RASGEF1C: variants seen among roughly 807,000 people sequenced by gnomAD.
RASGEF1C encodes the protein ras-GEF domain-containing family member 1C.
A neutral mutation model predicts 58.1 loss-of-function variants in RASGEF1C; 27 were observed. That is an observed-to-expected ratio of 0.46 (90% CI 0.34 to 0.64). The LOEUF (loss-of-function observed/expected upper bound fraction) is 0.64. Ranked by LOEUF, RASGEF1C falls within the 30% of genes least tolerant of loss-of-function variation. The pLI is 0.01. For missense variants in RASGEF1C, 502 were observed against 605.1 expected (o/e 0.83, Z 1.79); for synonymous variants, 243 against 246.3 (o/e 0.99, Z 0.13).
At chr5:180,182,016 A>C (rs960206698) in intron 1 of RASGEF1C, among the ~76,000 whole-genome samples, 6 of 151,808 alleles carry the variant, frequency 4.0e-5, no homozygotes, top group African/African-American at 9.7e-5. Flanking sequence ...ATCCTGGCTA[A>C]CACGGTGAAA....
At chr5:180,112,739 G>A (rs549616057) in intron 11 of RASGEF1C, among the ~76,000 whole-genome samples, 4 of 152,270 alleles carry the variant, frequency 2.6e-5, no homozygotes, top group Admixed American at 6.5e-5. Context: ...GCCGAGACAC[G>A]TGTGCTGGGT....
At chr5:180,153,403 G>C (rs1170429887) in intron 1 of RASGEF1C, among the ~76,000 whole-genome samples, 3 of 152,190 alleles carry the variant, frequency 2.0e-5, no homozygotes, top group African/African-American at 7.2e-5. Context: ...TTAAGAGCTG[G>C]AATTGACCAG....
intron 1 of RASGEF1C, among the ~76,000 whole-genome samples, chr5:180,171,831 T>A (rs1767113000): frequency 6.6e-6 from 1 of 152,160 alleles, no homozygotes; most frequent in South Asian, 2.1e-4. Context: ...GGTAAGGCTG[T>A]GAGGGCCAGG....
intron 1 of RASGEF1C, among the ~76,000 whole-genome samples, chr5:180,144,738 A>C (rs1289210803): frequency 7.2e-5 from 11 of 152,196 alleles, no homozygotes; most frequent in Non-Finnish European, 1.5e-4. Context: ...AAGCATCACC[A>C]CCGTCCGTCC....
chr5:180,151,990 A>T (rs985963390), intron 1 of RASGEF1C, among the ~76,000 whole-genome samples: 2 of 150,010 alleles, frequency 1.3e-5, no homozygotes, highest in Non-Finnish European at 3.0e-5. Flanking sequence ...ACTGGCTATC[A>T]GAGAAATGCA....
intron 1 of RASGEF1C, among the ~76,000 whole-genome samples, chr5:180,178,334 C>T (rs1767265131): frequency 8.0e-6 from 1 of 124,576 alleles, no homozygotes; most frequent in African/African-American, 3.1e-5. Context: ...GGCTGGAGTA[C>T]AGTGGCGTGA....
chr5:180,193,159 C>T (rs1205003457), intron 1 of RASGEF1C, among the ~76,000 whole-genome samples: 1 of 143,490 alleles, frequency 7.0e-6, no homozygotes, highest in Non-Finnish European at 1.5e-5. Flanking sequence ...GGGTTCACAC[C>T]ATTCTCCTGC....
chr5:180,112,141 GGGCTAAGGCAGGGGGTTCCCACGCCT>G (rs753378404), intron 11 of RASGEF1C, among the ~76,000 whole-genome samples: 60 of 152,268 alleles, frequency 3.9e-4, no homozygotes, highest in Non-Finnish European at 7.5e-4. Context: ...AATTCAGGAA[GGGCTAAGGCAGGGGGTTCCCACGCCT>G]GGCTCTGGGC....
At chr5:180,173,806 G>C (rs761947401) in intron 1 of RASGEF1C, among the ~76,000 whole-genome samples, 24 of 151,998 alleles carry the variant, frequency 1.6e-4, no homozygotes, top group Non-Finnish European at 3.1e-4. Context: ...CCAGCTGCTA[G>C]GGAGGCTGAG....
In RASGEF1C at chr5:180,102,229, T is replaced by C. The variant is rs2069587722; in HGVS notation, c.1304-86A>G. On this transcript the variant is annotated intron_variant, in intron 12 of 13. Transcript: ENST00000361132. ...CCTGCTATATCTGCGTGGGTCTCTT[T>C]CTGGGTTCTCTATTCTGTCCCATTG... is the stretch of plus-strand genomic sequence containing the variant. 4 of 784,148 alleles carry C rather than the reference T, an allele frequency of 5.1e-6. No homozygotes were observed. In the African/African-American group the frequency reaches 6.8e-5, roughly 13 times the overall value. The allele number at this position is 784,148 out of a possible 1,614,324, so 48.6% of individuals were successfully genotyped here. A position where few individuals can be genotyped will look rare whatever the true frequency, so the allele number is the denominator to read the frequency against.
chr5:180,202,706 CTTT>C (rs1254362822), intron 1 of RASGEF1C, among the ~76,000 whole-genome samples: 7 of 140,700 alleles, frequency 5.0e-5, no homozygotes, highest in East Asian at 2.0e-4. Flanking sequence ...ACAAGTCTTT[CTTT>C]TTTTTTTTTT....
At chr5:180,179,583 C>G (rs1767288651) in intron 1 of RASGEF1C, among the ~76,000 whole-genome samples, 1 of 152,152 alleles carries the variant, frequency 6.6e-6, no homozygotes, top group South Asian at 2.1e-4. Context: ...AAGCAGTGAT[C>G]AATACAGCAG....
intron 1 of RASGEF1C, among the ~76,000 whole-genome samples, chr5:180,139,347 C>T (rs1001764083): frequency 2.6e-5 from 4 of 152,228 alleles, no homozygotes; most frequent in African/African-American, 7.2e-5. Flanking sequence ...CTCCCCTGCT[C>T]ATGCCGTCCT....
intron 1 of RASGEF1C, among the ~76,000 whole-genome samples, chr5:180,182,503 TC>T (rs1249794588): frequency 3.3e-5 from 5 of 152,204 alleles, no homozygotes; most frequent in Non-Finnish European, 7.3e-5. Context: ...CAGCTTTTAT[TC>T]CCTTATTTGT....
rs77169321 is a variant in RASGEF1C, at chr5:180,106,283, C to T, written c.1304-4140G>A. Among the ~76,000 whole-genome samples the T allele has an allele frequency of 9.0e-3, 1,363 of 152,238 alleles. 17 individuals are homozygous for T. The highest frequency in any genetic ancestry group is 0.031 in the African/African-American group (1,300 of 41,548). On this transcript the variant is annotated intron_variant, in intron 12 of 13. Transcript: ENST00000361132. ...ATTAACTTTATTGTTTTTCTGCTTA[C>T]GGGTTCATTGATTTCTGCTCTTATT...
intron 1 of RASGEF1C, among the ~76,000 whole-genome samples, chr5:180,152,911 C>CA (rs755521241): frequency 0.17 from 12,223 of 71,078 alleles, 975 homozygotes; most frequent in African/African-American, 0.28. Context: ...AACCCCATCT[C>CA]AAAAAAAAAA....
chr5:180,158,034 G>C lies in RASGEF1C; in HGVS notation c.-6-19976C>G, dbSNP rs1766878984. ...ATTCTGGTGGGTGACGTCGATAATG[G>C]GGGAGGCTCTGCATGTGTGGAGGCA... On this transcript the variant is annotated intron_variant, in intron 1 of 13. Transcript: ENST00000361132. This position sits in a 1 kb window ranked among gnomAD's most constrained non-coding sequence, Gnocchi z 4.0. 6.6e-6 allele frequency among the ~76,000 whole-genome samples: 1 copy of C among 152,196 alleles called. No homozygotes were observed. Among genetic ancestry groups the C allele is most frequent in the Admixed American group, 6.5e-5 (1 of 15,272 alleles).
At chr5:180,162,755 CA>C (rs1206318819) in intron 1 of RASGEF1C, among the ~76,000 whole-genome samples, 1 of 152,124 alleles carries the variant, frequency 6.6e-6, no homozygotes, top group Non-Finnish European at 1.5e-5. Context: ...TATATTTCCA[CA>C]AAAAAATCCT....
At chr5:180,186,555 T>C (rs1756044467) in intron 1 of RASGEF1C, among the ~76,000 whole-genome samples, 1 of 152,202 alleles carries the variant, frequency 6.6e-6, no homozygotes, top group African/African-American at 2.4e-5. Flanking sequence ...TGGAAATACA[T>C]TTGTGTTCAT....
Sources: allele counts gnomAD v4.1 joint callset (sites outside exome capture counted in the v4.1 genomes callset), GRCh38; gene constraint gnomAD v4.1.1; non-coding constraint Gnocchi (gnomAD v3.1); transcripts MANE v1.5; gene names NCBI Gene and HGNC (gene_info 2026-07-23, HGNC 2026-07-21).